Variants in GRID2 observed in about 807,000 individuals in gnomAD.
The protein encoded by GRID2 is glutamate ionotropic receptor delta type subunit 2, also known as glutamate receptor ionotropic, delta-2.
GRID2 carries 33 observed loss-of-function variants against 114.8 expected under a neutral mutation model. The observed-to-expected ratio is 0.29, with a 90% CI of 0.22 to 0.38. The LOEUF (loss-of-function observed/expected upper bound fraction) is 0.38, where lower values mean the gene tolerates loss of function less well. Among genes scored for constraint, GRID2 ranks in the 10% least tolerant of loss-of-function variants. The probability of loss-of-function intolerance (pLI) is 1.00; values close to 1 mark genes in which losing one functional copy is unlikely to be tolerated. For synonymous variants in GRID2, 505 were observed against 449.9 expected, an observed-to-expected ratio of 1.12 and a Z score of -1.55; for missense variants, 1,184 against 1,257.7, an observed-to-expected ratio of 0.94 and a Z score of 0.89.
At chr4:92,591,788 A>C (rs930387551) in intron 2 of GRID2, among the ~76,000 whole-genome samples, 1 of 152,096 alleles carries the variant, frequency 6.6e-6, no homozygotes, top group Non-Finnish European at 1.5e-5. Context: ...TGGAGTAAAA[A>C]ATCATTATTT....
intron 3 of GRID2, among the ~76,000 whole-genome samples, chr4:93,086,200 T>C (rs1234541059): frequency 2.0e-5 from 3 of 152,166 alleles, no homozygotes; most frequent in Non-Finnish European, 4.4e-5. Context: ...TTGGAAAAAT[T>C]TCCTGTTCAG....
At chr4:93,007,902 A>G (rs974653854) in intron 2 of GRID2, among the ~76,000 whole-genome samples, 1 of 151,702 alleles carries the variant, frequency 6.6e-6, no homozygotes. Context: ...TTAGCTGGCC[A>G]TCATGGTGGG....
chr4:93,083,358 T>C (rs769998137), intron 2 of GRID2, among the ~76,000 whole-genome samples: 15 of 152,098 alleles, frequency 9.9e-5, no homozygotes, highest in East Asian at 1.9e-4. Context: ...CTAGAACATA[T>C]GATTTTTGCT....
intron 8 of GRID2, among the ~76,000 whole-genome samples, chr4:93,267,372 A>G (rs1328014433): frequency 6.6e-6 from 1 of 152,078 alleles, no homozygotes; most frequent in Non-Finnish European, 1.5e-5. Flanking sequence ...GGATCAGAGG[A>G]CAGTCCTCGG....
chr4:92,583,791 TGTGA>T (rs1312811007), intron 1 of GRID2, among the ~76,000 whole-genome samples: 2 of 150,434 alleles, frequency 1.3e-5, no homozygotes, highest in East Asian at 1.9e-4. Context: ...GTAATATATA[TGTGA>T]GTATGTAATA....
chr4:93,611,967 A>G (rs369581756), intron 13 of GRID2, among the ~76,000 whole-genome samples: 1 of 147,714 alleles, frequency 6.8e-6, no homozygotes, highest in Non-Finnish European at 1.5e-5. Context: ...TTTGTAGGTC[A>G]CTCAGGACTT....
chr4:92,622,588 G>A (rs1730325356), intron 2 of GRID2, among the ~76,000 whole-genome samples: 2 of 151,614 alleles, frequency 1.3e-5, no homozygotes, highest in Non-Finnish European at 3.0e-5. Flanking sequence ...GTGAACATCA[G>A]TCCCTCATTT....
chr4:92,826,796 A>G (rs1300160223), intron 2 of GRID2, among the ~76,000 whole-genome samples: 1 of 152,132 alleles, frequency 6.6e-6, no homozygotes, highest in Non-Finnish European at 1.5e-5. Context: ...AAGTATTACA[A>G]CATGAGTTTT....
At chr4:92,893,479 G>A (rs760441347) in intron 2 of GRID2, among the ~76,000 whole-genome samples, 1 of 152,080 alleles carries the variant, frequency 6.6e-6, no homozygotes. Context: ...CAGACATTAG[G>A]CAAATCACTG....
intron 2 of GRID2, among the ~76,000 whole-genome samples, chr4:92,674,888 T>G (rs1241565173): frequency 6.6e-6 from 1 of 152,232 alleles, no homozygotes; most frequent in Non-Finnish European, 1.5e-5. Context: ...TTATTGATTT[T>G]TTTCCTATTA....
chr4:92,470,188 C>T (rs1721964839), intron 1 of GRID2, among the ~76,000 whole-genome samples: 1 of 151,760 alleles, frequency 6.6e-6, no homozygotes, highest in Non-Finnish European at 1.5e-5. Context: ...TCTACAGCTC[C>T]ATACTTGGGA....
At chr4:93,721,824 A>G (rs1368460861) in intron 14 of GRID2, among the ~76,000 whole-genome samples, 3 of 152,094 alleles carry the variant, frequency 2.0e-5, no homozygotes, top group Non-Finnish European at 4.4e-5. Flanking sequence ...CTTCATAATA[A>G]CAGGATTAAG....
At chr4:93,134,886 C>T (rs1051138906) in intron 4 of GRID2, among the ~76,000 whole-genome samples, 7 of 152,100 alleles carry the variant, frequency 4.6e-5, no homozygotes, top group African/African-American at 9.6e-5. Flanking sequence ...CGTTGCCCCT[C>T]GCTGTTTGGC....
intron 2 of GRID2, among the ~76,000 whole-genome samples, chr4:92,748,631 TGTATTATTA>T (rs1462967571): frequency 8.0e-5 from 10 of 125,284 alleles, no homozygotes; most frequent in African/African-American, 3.0e-4. Flanking sequence ...TTAATTAAAT[TGTATTATTA>T]TTATTATTAT....
In GRID2 at chr4:92,374,871, G is replaced by C. The variant is rs142608878; in HGVS notation, c.88+70127G>C. Among the ~76,000 whole-genome samples, 9 of 152,236 alleles carry C rather than the reference G, an allele frequency of 5.9e-5. No individual in the cohort carries two copies. The East Asian group carries it at 1.4e-3, about 23-fold the overall frequency. On this transcript the variant is annotated intron_variant, in intron 1 of 15. Coordinates refer to ENST00000282020, the MANE Select transcript of GRID2 (RefSeq NM_001510.4). ...TATAAAGTAGAAATAAGGATGAAAC[G>C]TGGTAGGTTCAGATCTGTGGTTATC...
chr4:92,954,461 C>G (rs1338467890), intron 2 of GRID2, among the ~76,000 whole-genome samples: 3 of 151,898 alleles, frequency 2.0e-5, no homozygotes, highest in Admixed American at 1.3e-4. Context: ...GAGTCTCACT[C>G]TGTCGCCCAG....
At chr4:93,196,230 GA>G (rs1410059098) in intron 4 of GRID2, among the ~76,000 whole-genome samples, 2 of 152,008 alleles carry the variant, frequency 1.3e-5, no homozygotes, top group Non-Finnish European at 2.9e-5. Context: ...AAGAAACTAT[GA>G]AAGAAATTTT....
intron 1 of GRID2, among the ~76,000 whole-genome samples, chr4:92,432,269 G>A (rs913401867): frequency 1.2e-4 from 18 of 152,092 alleles, no homozygotes; most frequent in Non-Finnish European, 1.9e-4. Flanking sequence ...GTCATTTAAG[G>A]CCCAAGGGTT....
intron 8 of GRID2, among the ~76,000 whole-genome samples, chr4:93,250,771 A>G (rs116746799): frequency 0.14 from 20,074 of 147,898 alleles, 1,829 homozygotes; most frequent in Middle Eastern, 0.21. Context: ...TATATATAAA[A>G]AAAGTGTGCA....
Sources: gnomAD v4.1 joint callset for allele counts (sites outside exome capture counted in the v4.1 genomes callset) on GRCh38, gnomAD v4.1.1 for gene constraint, MANE v1.5 for transcripts, NCBI Gene and HGNC (gene_info 2026-07-23, HGNC 2026-07-21) for gene names.